The following SSBP4 variants were observed in gnomAD, a reference collection of about 807,000 sequenced individuals.
The protein encoded by SSBP4 is single stranded DNA binding protein 4.
SSBP4 carries 33 observed loss-of-function variants against 64.6 expected under a neutral mutation model. That is an observed-to-expected ratio of 0.51 (90% CI 0.39 to 0.68). The LOEUF (loss-of-function observed/expected upper bound fraction) is 0.68. SSBP4 is among the 30% of genes least tolerant of loss of function. SSBP4 has a pLI of 0.00. For synonymous variants in SSBP4, 243 were observed against 224.0 expected, an observed-to-expected ratio of 1.08 and a Z score of -0.76; for missense variants, 583 against 566.8, an observed-to-expected ratio of 1.03 and a Z score of -0.29.
At position 18,427,641 on chromosome 19, in the gene SSBP4, T is replaced by C. The variant is rs965651034; in HGVS notation, c.133-111T>C. On this transcript the variant is annotated intron_variant, in intron 2 of 17. Coordinates refer to ENST00000270061, the MANE Select transcript of SSBP4 (RefSeq NM_032627.5). This position sits in a 1 kb window ranked among gnomAD's most constrained non-coding sequence, Gnocchi z 4.4. ...ATCCTGGGGCCCTCTGCCCACCCTGTTACCCTTCCCTCCCCACTCCCTCCC... is the reference window on the plus strand; with the variant it reads ...ATCCTGGGGCCCTCTGCCCACCCTGCTACCCTTCCCTCCCCACTCCCTCCC... The C allele has an allele frequency of 4.5e-6, 6 of 1,348,154 alleles. No individual in the cohort carries two copies. The highest frequency in any genetic ancestry group is 2.4e-5 in the Admixed American group (1 of 42,124). 83.5% of individuals were successfully genotyped at this position (1,348,154 alleles called of 1,614,324 possible). A position where few individuals can be genotyped will look rare whatever the true frequency, so the allele number is the denominator to read the frequency against.
In SSBP4 at chr19:18,430,886, G is replaced by A. The variant is rs1973307865; in HGVS notation, c.325G>A (p.Gly109Ser). The part of the protein sequence containing the change: ...PSPVMGSMAP[G>S]DTMAAGSMAA... ...CCCCGTTATGGGGAGTATGGCCCCA[G>A]GTGACACAATGGCCGCAGGCTCCAT... The change falls in exon 5 of 18, where the codon GGT becomes AGT. Residue 109 changes from glycine to serine, a missense_variant. By Grantham distance (56) the Gly-to-Ser change is moderately conservative. This residue lies in a region of SSBP4 where 444 missense variants were observed against 386.6 expected (regional missense o/e 1.15). Coordinates refer to ENST00000270061, the MANE Select transcript of SSBP4 (RefSeq NM_032627.5). 6.2e-7 allele frequency: 1 copy of A among 1,613,252 alleles called. No homozygotes were observed. The highest frequency in any genetic ancestry group is 1.7e-5 in the Admixed American group (1 of 59,980).
the SSBP4 span, among the ~76,000 whole-genome samples, chr19:18,409,066 G>A: frequency 6.6e-6 from 1 of 152,208 alleles, no homozygotes; most frequent in Admixed American, 6.5e-5. Flanking sequence ...CTCCCGTCTT[G>A]CCCTCCCAAA....
At chr19:18,433,942 C>T (rs1240160371) in intron 17 of SSBP4, 125 bp downstream of exon 17, 3 of 1,240,548 alleles carry the variant, frequency 2.4e-6, no homozygotes, top group Non-Finnish European at 3.0e-6. Context: ...GGTGGGGGGG[C>T]GGCCGCGGCA....
At chr19:18,425,604 G>A (rs1034365692) in intron 1 of SSBP4, among the ~76,000 whole-genome samples, 65 of 137,938 alleles carry the variant, frequency 4.7e-4, no homozygotes, top group African/African-American at 1.8e-3. Context: ...CCTGCAGGCC[G>A]CCGGGCCAGG....
chr19:18,431,406 G>T lies in SSBP4; in HGVS notation c.423G>T (p.Gly141=). ...ACAACCCCAACGCCCCCATGATGGG[G>T]CCTCACGGTCAGGTAAGGAGCTGTG... ...SPHNPNAPMM[G]PHGQPFMSPR... The change falls in exon 6 of 18, where the codon GGG becomes GGT. Residue 141 remains glycine, a synonymous_variant. Transcript: ENST00000270061. 2 of 1,510,386 alleles carry T rather than the reference G, an allele frequency of 1.3e-6. No individual in the cohort carries two copies. The highest frequency in any genetic ancestry group is 2.2e-5 in the Admixed American group (1 of 44,624). 93.6% of individuals were successfully genotyped at this position (1,510,386 alleles called of 1,614,324 possible).
chr19:18,433,247 C>T, intron 15 of SSBP4, 34 bp downstream of exon 15: 1 of 1,539,536 alleles, frequency 6.5e-7, no homozygotes, highest in South Asian at 1.2e-5. Flanking sequence ...CCCACGTTGC[C>T]TTCCGGGCCC....
chr19:18,428,653 G>A (rs1210094835), intron 4 of SSBP4, among the ~76,000 whole-genome samples: 3 of 152,142 alleles, frequency 2.0e-5, no homozygotes, highest in Non-Finnish European at 4.4e-5. Flanking sequence ...TGCCGGCTCT[G>A]CCGGTGGGCG....
intron 4 of SSBP4, among the ~76,000 whole-genome samples, chr19:18,429,861 G>A (rs1210975025): frequency 1.3e-5 from 2 of 152,190 alleles, no homozygotes; most frequent in East Asian, 3.8e-4. Flanking sequence ...GCTAACCTCA[G>A]AGAAGGGGCA....
the SSBP4 span, among the ~76,000 whole-genome samples, chr19:18,405,685 T>A: frequency 6.6e-6 from 1 of 150,442 alleles, no homozygotes; most frequent in Non-Finnish European, 1.5e-5. Flanking sequence ...ATTATCTGTA[T>A]TATTTTAAGA....
rs1169248929 is a variant in SSBP4 at position 18,427,562 on chromosome 19, C to T, written c.132+139C>T. 1 of 1,261,384 alleles carries T rather than the reference C, an allele frequency of 7.9e-7. No homozygotes were observed. The highest frequency in any genetic ancestry group is 1.5e-5 in the African/African-American group (1 of 66,790). The allele number at this position is 1,261,384 out of a possible 1,614,324, so 78.1% of individuals were successfully genotyped here. On this transcript the variant is annotated intron_variant, in intron 2 of 17. Coordinates refer to ENST00000270061, the MANE Select transcript of SSBP4 (RefSeq NM_032627.5). This position sits in a 1 kb window ranked among gnomAD's most constrained non-coding sequence, Gnocchi z 4.4. ...ACTGAGGGCTCTGCAGGGTCCAGGC[C>T]CTGGGCTAGCATCCAGGCATCTGGT... is the stretch of plus-strand genomic sequence containing the variant.
At chr19:18,406,361 T>C in the SSBP4 span, among the ~76,000 whole-genome samples, 2 of 150,542 alleles carry the variant, frequency 1.3e-5, no homozygotes, top group African/African-American at 4.9e-5. Flanking sequence ...ATTATTATTA[T>C]GTAGAGACGG....
intron 4 of SSBP4, among the ~76,000 whole-genome samples, chr19:18,428,969 G>A (rs1029951882): frequency 6.6e-6 from 1 of 152,154 alleles, no homozygotes; most frequent in African/African-American, 2.4e-5. Context: ...CATCCTCTCT[G>A]GGCGCCCCCC....
chr19:18,427,466 C>T lies in SSBP4; in HGVS notation c.132+43C>T, dbSNP rs1351458928. On this transcript the variant is annotated intron_variant, in intron 2 of 17. Coordinates refer to ENST00000270061, the MANE Select transcript of SSBP4 (RefSeq NM_032627.5). The surrounding 1 kb of genome is among the most constrained non-coding windows in gnomAD (Gnocchi z 4.4). ...GGCTGGCCCTCCCTCCTCACCCACA[C>T]TCCGGGGGTCCTTCATTTCCACTGG... 1.3e-6 allele frequency: 2 copies of T among 1,590,012 alleles called. No individual in the cohort carries two copies. Among genetic ancestry groups the T allele is most frequent in the South Asian group, 1.1e-5 (1 of 90,088 alleles).
In SSBP4 at chr19:18,423,665, C is replaced by T. The variant is rs561360597; in HGVS notation, c.60-3686C>T. ...CATTTCAGGCCACCAGGCGCTAGCA[C>T]CCCATCCTGGCTCTGCTTCCCTGCA... On this transcript the variant is annotated intron_variant, in intron 1 of 17. Coordinates refer to ENST00000270061, the MANE Select transcript of SSBP4 (RefSeq NM_032627.5). The surrounding 1 kb of genome is among the most constrained non-coding windows in gnomAD (Gnocchi z 4.0). Among the ~76,000 whole-genome samples the T allele has an allele frequency of 6.6e-6, 1 of 152,298 alleles. No homozygotes were observed. Among genetic ancestry groups the T allele is most frequent in the Non-Finnish European group, 1.5e-5 (1 of 68,024 alleles).
At chr19:18,405,101 G>A in the SSBP4 span, among the ~76,000 whole-genome samples, 5 of 151,770 alleles carry the variant, frequency 3.3e-5, no homozygotes, top group Non-Finnish European at 7.4e-5. Flanking sequence ...GGTCCTCAGA[G>A]CCCACCCTGA....
upstream of SSBP4, among the ~76,000 whole-genome samples, chr19:18,414,500 A>G (rs896155927): frequency 6.6e-6 from 1 of 152,188 alleles, no homozygotes; most frequent in Non-Finnish European, 1.5e-5. Context: ...TCTAAAAAGA[A>G]AAACTAGAGA....
At chr19:18,417,867 A>G (rs1396179967), upstream of SSBP4, among the ~76,000 whole-genome samples, 5 of 146,948 alleles carry the variant, frequency 3.4e-5, no homozygotes, top group Non-Finnish European at 7.5e-5. This position sits in a 1 kb window ranked among gnomAD's most constrained non-coding sequence, Gnocchi z 5.4. Flanking sequence ...GCCGGCCAGA[A>G]GGCTTGGGGT....
upstream of SSBP4, among the ~76,000 whole-genome samples, chr19:18,415,215 TC>T (rs1347336065): frequency 6.6e-6 from 1 of 152,170 alleles, no homozygotes; most frequent in Admixed American, 6.5e-5. Flanking sequence ...CAGACCCGGC[TC>T]CCAGCTGTGG....
chr19:18,414,270 G>T (rs569621276), upstream of SSBP4, among the ~76,000 whole-genome samples: 4 of 152,238 alleles, frequency 2.6e-5, no homozygotes, highest in South Asian at 8.3e-4. Flanking sequence ...ATTGCCTCTG[G>T]GTCGCTCACA....
Sources: allele counts gnomAD v4.1 joint callset (sites outside exome capture counted in the v4.1 genomes callset), GRCh38; gene constraint gnomAD v4.1.1; regional missense constraint gnomAD v4.1.1; non-coding constraint Gnocchi (gnomAD v3.1); transcripts MANE v1.5; gene names NCBI Gene and HGNC (gene_info 2026-07-23, HGNC 2026-07-21).